RAP1B: variants seen among roughly 807,000 people sequenced by gnomAD.
The protein encoded by RAP1B is RAP1B, member of RAS oncogene family, also known as ras-related protein Rap-1b.
Under a neutral mutation model 27.5 loss-of-function variants are expected in RAP1B, and 1 was observed. That is an observed-to-expected ratio of 0.04 (90% CI 0.01 to 0.17). RAP1B has a LOEUF of 0.17. Among genes scored for constraint, RAP1B ranks in the 10% least tolerant of loss-of-function variants. The pLI, the probability that RAP1B is intolerant of heterozygous loss-of-function variation, is 1.00. For synonymous variants in RAP1B, 75 were observed against 73.1 expected (o/e 1.03, Z -0.13); for missense variants, 84 against 214.8 (o/e 0.39, Z 3.81).
intron 2 of RAP1B, chr12:68,649,068 G>C: frequency 3.3e-6 from 1 of 307,192 alleles, no homozygotes; most frequent in Non-Finnish European, 5.9e-6. Flanking sequence ...TCGCATTTCA[G>C]AGCCAGATAG....
At chr12:68,656,929 C>G (rs1410551914) in intron 6 of RAP1B, among the ~76,000 whole-genome samples, 172 bp from the exon 7 acceptor site, 2 of 152,158 alleles carry the variant, frequency 1.3e-5, no homozygotes, top group Non-Finnish European at 2.9e-5. Context: ...TTAACACTCC[C>G]CAAAAATTTG....
At chr12:68,643,964 A>G (rs532790405) in intron 1 of RAP1B, among the ~76,000 whole-genome samples, 5 of 152,058 alleles carry the variant, frequency 3.3e-5, no homozygotes, top group Admixed American at 2.0e-4. Flanking sequence ...ATTGAAATTC[A>G]TTTTCTATTA....
In RAP1B at chr12:68,662,160, C is replaced by T. The variant is rs1874636295; in HGVS notation, c.*2911C>T. On this transcript the variant is annotated 3_prime_UTR_variant, in exon 8 of 8. Coordinates refer to ENST00000250559, the MANE Select transcript of RAP1B (RefSeq NM_001010942.3). ...AATAAGGCTGTGGTTTGGCAAAAAG[C>T]ACCATTTTCTCCTATACAAAATAGT... 1 of 150,872 alleles carries T rather than the reference C, an allele frequency of 6.6e-6. No individual in the cohort carries two copies. The highest frequency in any genetic ancestry group is 6.6e-5 in the Admixed American group (1 of 15,102). The allele number at this position is 150,872 out of a possible 1,614,324, so 9.3% of individuals were successfully genotyped here. A position where few individuals can be genotyped will look rare whatever the true frequency, so the allele number is the denominator to read the frequency against.
At chr12:68,645,509 T>C (rs1371232855) in intron 1 of RAP1B, among the ~76,000 whole-genome samples, 2 of 150,650 alleles carry the variant, frequency 1.3e-5, no homozygotes, top group Non-Finnish European at 2.9e-5. Flanking sequence ...TAACCTGAGC[T>C]AAGGACTTCA....
intron 1 of RAP1B, chr12:68,627,328 T>C (rs762090651): frequency 2.6e-6 from 2 of 758,330 alleles, no homozygotes; most frequent in East Asian, 4.9e-5. Flanking sequence ...CATTGCACAC[T>C]GGGCCCCCCC....
intron 1 of RAP1B, among the ~76,000 whole-genome samples, chr12:68,631,198 AG>A (rs1872211527): frequency 6.6e-6 from 1 of 152,206 alleles, no homozygotes; most frequent in Non-Finnish European, 1.5e-5. Context: ...TGCACATAGC[AG>A]ATACTTAATA....
intron 1 of RAP1B, among the ~76,000 whole-genome samples, chr12:68,626,273 A>G (rs1170260074): frequency 1.3e-5 from 2 of 152,202 alleles, no homozygotes; most frequent in Admixed American, 6.5e-5. Flanking sequence ...TACTAACACT[A>G]AAGTTCCTCA....
At chr12:68,619,498 G>T (rs1871249100) in intron 1 of RAP1B, among the ~76,000 whole-genome samples, 1 of 152,066 alleles carries the variant, frequency 6.6e-6, no homozygotes, top group Admixed American at 6.6e-5. Flanking sequence ...TAGACCAATG[G>T]ATTTTAATGT....
At chr12:68,650,537 A>G (rs1463020597) in intron 3 of RAP1B, 69 bp downstream of exon 3, 5 of 1,238,522 alleles carry the variant, frequency 4.0e-6, no homozygotes, top group Non-Finnish European at 5.4e-6. Context: ...CTTTATAATT[A>G]TTGAATGTTT....
At chr12:68,638,495 C>T (rs532991590) in intron 1 of RAP1B, among the ~76,000 whole-genome samples, 9 of 152,022 alleles carry the variant, frequency 5.9e-5, no homozygotes, top group Middle Eastern at 3.4e-3. Context: ...TGTTGTCTTA[C>T]GTTTATTTTC....
At chr12:68,611,186 C>G (rs1345752854) in intron 1 of RAP1B, 143 bp downstream of exon 1, 1 of 146,004 alleles carries the variant, frequency 6.8e-6, no homozygotes, top group Non-Finnish European at 1.5e-5. Flanking sequence ...GGCAGCCCCT[C>G]GGCGCGCGGC....
chr12:68,611,923 A>T (rs1371562537), intron 1 of RAP1B, among the ~76,000 whole-genome samples: 1 of 152,210 alleles, frequency 6.6e-6, no homozygotes, highest in Non-Finnish European at 1.5e-5. Flanking sequence ...TCTGAAAAAC[A>T]CTGATGTCTT....
At chr12:68,629,407 T>A (rs1483077828) in intron 1 of RAP1B, among the ~76,000 whole-genome samples, 1 of 152,214 alleles carries the variant, frequency 6.6e-6, no homozygotes, top group East Asian at 1.9e-4. Context: ...ATTAGAAATA[T>A]ATTTATTGGT....
intron 4 of RAP1B, 30 bp from the exon 5 acceptor site, chr12:68,654,082 T>A: frequency 6.5e-7 from 1 of 1,545,928 alleles, no homozygotes; most frequent in Non-Finnish European, 8.9e-7. Flanking sequence ...AACATTATTG[T>A]TTTTTAACGT....
intron 1 of RAP1B, among the ~76,000 whole-genome samples, chr12:68,627,531 G>T (rs1871893028): frequency 6.6e-6 from 1 of 152,040 alleles, no homozygotes; most frequent in African/African-American, 2.4e-5. Context: ...ATTTAAATTT[G>T]ACCTGACCTT....
At chr12:68,639,431 C>A (rs1565666586) in intron 1 of RAP1B, among the ~76,000 whole-genome samples, 1 of 152,206 alleles carries the variant, frequency 6.6e-6, no homozygotes, top group African/African-American at 2.4e-5. Context: ...CTTGTTGTCT[C>A]CTTAGAAAAT....
chr12:68,621,488 C>T (rs1040457375), intron 1 of RAP1B: 12 of 152,048 alleles, frequency 7.9e-5, no homozygotes, highest in African/African-American at 2.9e-4. Flanking sequence ...AGAATTAAGA[C>T]TAGGTTTGCA....
intron 1 of RAP1B, among the ~76,000 whole-genome samples, chr12:68,620,275 A>C (rs1170761558): frequency 6.6e-6 from 1 of 151,392 alleles, no homozygotes; most frequent in Non-Finnish European, 1.5e-5. Flanking sequence ...GGACTGTGGA[A>C]TGCAATGGTG....
chr12:68,643,871 GA>G (rs1000327080), intron 1 of RAP1B, among the ~76,000 whole-genome samples: 26 of 151,456 alleles, frequency 1.7e-4, no homozygotes, highest in African/African-American at 6.3e-4. Flanking sequence ...GAACTGTCAG[GA>G]AAAAAAATAA....
Sources: allele counts gnomAD v4.1 joint callset (sites outside exome capture counted in the v4.1 genomes callset), GRCh38; gene constraint gnomAD v4.1.1; transcripts MANE v1.5; gene names NCBI Gene and HGNC (gene_info 2026-07-23, HGNC 2026-07-21).